KSR1: variants seen among roughly 807,000 people sequenced by gnomAD.
The protein encoded by KSR1 is kinase suppressor of ras 1, also known as kinase suppressor of ras.
A neutral mutation model predicts 92.9 loss-of-function variants in KSR1; 35 were observed. That is an observed-to-expected ratio of 0.38 (90% CI 0.29 to 0.50). The LOEUF is 0.50. KSR1 is among the 20% of genes least tolerant of loss of function. The pLI is 0.94. For missense variants in KSR1, 972 were observed against 1,158.5 expected (o/e 0.84, Z 2.34); for synonymous variants, 467 against 472.6 (o/e 0.99, Z 0.15).
At chr17:27,549,566 G>C (rs548673994) in intron 1 of KSR1, among the ~76,000 whole-genome samples, 31 of 152,356 alleles carry the variant, frequency 2.0e-4, no homozygotes, top group African/African-American at 7.2e-4. Context: ...CTTATTTGAA[G>C]TTTTAGCCAT....
At chr17:27,594,449 A>G (rs2073273106) in intron 9 of KSR1, among the ~76,000 whole-genome samples, 1 of 151,746 alleles carries the variant, frequency 6.6e-6, no homozygotes, top group African/African-American at 2.4e-5. Context: ...CATCATGTTC[A>G]GTCCTGCATC....
chr17:27,571,490 G>A (rs946131989), intron 2 of KSR1, among the ~76,000 whole-genome samples: 4 of 152,126 alleles, frequency 2.6e-5, no homozygotes, highest in Non-Finnish European at 5.9e-5. Context: ...TTCCAGCCCC[G>A]CTGGGCTCTG....
At chr17:27,617,021 G>A (rs2074080583) in intron 18 of KSR1, among the ~76,000 whole-genome samples, 1 of 152,156 alleles carries the variant, frequency 6.6e-6, no homozygotes, top group Non-Finnish European at 1.5e-5. Flanking sequence ...CCCATTGCTG[G>A]TGTGTTCATC....
intron 1 of KSR1, among the ~76,000 whole-genome samples, chr17:27,479,421 C>T (rs1281078409): frequency 6.6e-6 from 1 of 152,200 alleles, no homozygotes. Flanking sequence ...GGCTGGGTTC[C>T]CGTTCTCGCT....
At chr17:27,523,464 A>G (rs2070125484) in intron 1 of KSR1, among the ~76,000 whole-genome samples, 1 of 152,168 alleles carries the variant, frequency 6.6e-6, no homozygotes, top group Non-Finnish European at 1.5e-5. Flanking sequence ...GCTGCCATCA[A>G]GTTGCTCGCA....
chr17:27,468,873 TG>T (rs1471247090), intron 1 of KSR1, among the ~76,000 whole-genome samples: 2 of 152,120 alleles, frequency 1.3e-5, no homozygotes, highest in Non-Finnish European at 2.9e-5. Flanking sequence ...GAGACTGAGA[TG>T]AGAGTTTTTA....
At chr17:27,465,100 G>T (rs74697415) in intron 1 of KSR1, 2 of 144,092 alleles carry the variant, frequency 1.4e-5, no homozygotes, top group African/African-American at 5.1e-5. Flanking sequence ...ATGTAGAGAC[G>T]TGCTCTCAGG....
At chr17:27,515,383 C>T (rs527412713) in intron 1 of KSR1, among the ~76,000 whole-genome samples, 52 of 152,286 alleles carry the variant, frequency 3.4e-4, no homozygotes, top group African/African-American at 1.2e-3. Context: ...GATGTTCACA[C>T]AAAGCCAAAA....
At chr17:27,473,378 G>T (rs923537994) in intron 1 of KSR1, among the ~76,000 whole-genome samples, 1 of 152,196 alleles carries the variant, frequency 6.6e-6, no homozygotes, top group African/African-American at 2.4e-5. Flanking sequence ...ATTGGAATGG[G>T]AGTCCCTCAC....
Position 27,609,233 on chromosome 17 carries a change from A to G in KSR1, c.2129A>G (p.Lys710Arg). Residue 710 changes from lysine (K) to arginine (R), a missense_variant, in exon 16 of 21, where the codon AAA becomes AGA. This residue lies in a region of KSR1 where 260 missense variants were observed against 375.2 expected (regional missense o/e 0.69). Transcript: ENST00000644974. ...CTTCATGCCAAGGGCATCGTACACA[A>G]AGATCTCAAATCTAAGAACGTCTTC... ...GYLHAKGIVHKDLKSKNVFYD... is the reference protein window; with the variant it reads ...GYLHAKGIVHRDLKSKNVFYD... The G allele has an allele frequency of 6.2e-7, 1 of 1,614,024 alleles. No homozygotes were observed. The highest frequency in any genetic ancestry group is 8.5e-7 in the Non-Finnish European group (1 of 1,179,890).
At chr17:27,557,476 A>G (rs895161949) in intron 2 of KSR1, among the ~76,000 whole-genome samples, 4 of 152,088 alleles carry the variant, frequency 2.6e-5, no homozygotes, top group Admixed American at 2.0e-4. Flanking sequence ...GCCTCCCAGA[A>G]CCACTGTCCA....
chr17:27,573,839 A>G (rs944802431), intron 2 of KSR1, among the ~76,000 whole-genome samples: 2 of 152,248 alleles, frequency 1.3e-5, no homozygotes, highest in African/African-American at 4.8e-5. Flanking sequence ...GATTAAAGAT[A>G]AAATAATGTA....
rs1382664001 is a variant in KSR1, at chr17:27,582,940, C to T, written c.815C>T (p.Pro272Leu). 2 of 1,609,506 alleles carry T rather than the reference C, an allele frequency of 1.2e-6. No individual in the cohort carries two copies. The highest frequency in any genetic ancestry group is 8.5e-7 in the Non-Finnish European group (1 of 1,177,232). ...GCCCTGCACAGCTTCATCACCCCGC[C>T]CACCACACCCCAGCTGCGACGGCAC... is the stretch of plus-strand genomic sequence containing the variant. ...PRALHSFITP[P>L]TTPQLRRHTK... The change falls in exon 4 of 21, where the codon CCC becomes CTC. Residue 272 changes from proline (P) to leucine (L), a missense_variant. By Grantham distance (98) the Pro-to-Leu change is moderately conservative. This residue lies in a region of KSR1 where 611 missense variants were observed against 668.0 expected (regional missense o/e 0.91). Coordinates refer to ENST00000644974, the MANE Select transcript of KSR1 (RefSeq NM_001394583.1).
At chr17:27,510,055 C>G (rs1009977343) in intron 1 of KSR1, among the ~76,000 whole-genome samples, 12 of 152,244 alleles carry the variant, frequency 7.9e-5, no homozygotes, top group African/African-American at 2.9e-4. Flanking sequence ...TGTCCCTCCT[C>G]TTGGCACTTG....
At chr17:27,572,638 T>G (rs544430216) in intron 2 of KSR1, among the ~76,000 whole-genome samples, 1 of 152,330 alleles carries the variant, frequency 6.6e-6, no homozygotes, top group African/African-American at 2.4e-5. Context: ...CAGAGTGGCT[T>G]CACCTGCGAG....
chr17:27,513,423 T>C (rs1468471958), intron 1 of KSR1, among the ~76,000 whole-genome samples: 1 of 151,830 alleles, frequency 6.6e-6, no homozygotes, highest in Non-Finnish European at 1.5e-5. Flanking sequence ...AGACTCCTTC[T>C]CTATAAAAAA....
intron 2 of KSR1, chr17:27,560,260 G>T (rs1371205132): frequency 2.5e-6 from 1 of 394,252 alleles, no homozygotes; most frequent in African/African-American, 2.1e-5. Context: ...GAGCCTGCTG[G>T]CATGGAGCCA....
rs1304389522 is a variant in KSR1 at position 27,592,531 on chromosome 17, C to T, written c.1204C>T (p.Arg402Trp). ...RISFLPLTRL[R>W]RTESVPSDIN... ...CTCTTTTCAAACAGTAACTCGGCTT[C>T]GGAGGACAGAATCTGTCCCCTCGGA... is the stretch of plus-strand genomic sequence containing the variant. The change falls in exon 9 of 21, where the codon CGG (arginine) becomes TGG (tryptophan). Residue 402 changes from arginine to tryptophan, a missense_variant. Physicochemically the swap from Arg to Trp is moderately radical, Grantham distance 101 (BLOSUM62 -3). Transcript: ENST00000644974. The T allele has an allele frequency of 3.7e-6, 6 of 1,613,782 alleles. No homozygotes were observed. The highest frequency in any genetic ancestry group is 5.1e-6 in the Non-Finnish European group (6 of 1,179,862).
At chr17:27,592,765 G>A in intron 9 of KSR1, 139 bp downstream of exon 9, 1 of 670,060 alleles carries the variant, frequency 1.5e-6, no homozygotes, top group East Asian at 2.8e-5. Flanking sequence ...GTGGCCTTGG[G>A]GATCATATCT....
Sources: gnomAD v4.1 joint callset for allele counts (sites outside exome capture counted in the v4.1 genomes callset) on GRCh38, gnomAD v4.1.1 for gene constraint, gnomAD v4.1.1 regional missense constraint, MANE v1.5 for transcripts, NCBI Gene and HGNC (gene_info 2026-07-23, HGNC 2026-07-21) for gene names.